TNFAIP8L1: variants seen among roughly 807,000 people sequenced by gnomAD.
The protein encoded by TNFAIP8L1 is tumor necrosis factor alpha-induced protein 8-like protein 1.
For missense variants in TNFAIP8L1, 225 were observed against 266.1 expected (o/e 0.85, Z 1.08); for synonymous variants, 127 against 125.6 (o/e 1.01, Z -0.08).
intron 1 of TNFAIP8L1, among the ~76,000 whole-genome samples, chr19:4,647,370 T>A (rs1450464788): frequency 6.6e-6 from 1 of 151,174 alleles, no homozygotes; most frequent in Non-Finnish European, 1.5e-5. Context: ...GCTGGAGACC[T>A]CGGCTCACTG....
intron 1 of TNFAIP8L1, chr19:4,640,091 G>A (rs1257999766): frequency 6.6e-6 from 1 of 152,346 alleles, no homozygotes; most frequent in Non-Finnish European, 1.5e-5. Flanking sequence ...CCCCTAATGA[G>A]CTCCCAAGTG....
chr19:4,652,416 G>T lies in TNFAIP8L1; in HGVS notation c.547G>T (p.Glu183Ter), dbSNP rs965706851. The change falls in exon 2 of 2, where the codon GAG becomes TAG. Residue 183 changes from glutamate to a stop codon, truncating the protein, a stop_gained. Transcript: ENST00000327473. LOFTEE classifies it high-confidence loss of function. ...ICEGLGRMLD[E>*]GSL ...CGAGGGCCTGGGCCGGATGCTGGAC[G>T]AGGGCAGCCTCTGAACCCCGGCGCC... The T allele has an allele frequency of 1.3e-6, 2 of 1,529,008 alleles. No homozygotes were observed. Among genetic ancestry groups the T allele is most frequent in the Non-Finnish European group, 8.8e-7 (1 of 1,135,612 alleles). The allele number at this position is 1,529,008 out of a possible 1,614,324, so 94.7% of individuals were successfully genotyped here.
chr19:4,649,044 C>T (rs1302295830), intron 1 of TNFAIP8L1, among the ~76,000 whole-genome samples: 1 of 149,728 alleles, frequency 6.7e-6, no homozygotes. Flanking sequence ...ATTCTCCTGT[C>T]TCAGCCCCCA....
intron 1 of TNFAIP8L1, among the ~76,000 whole-genome samples, chr19:4,649,607 T>A (rs2088343645): frequency 6.6e-6 from 1 of 152,176 alleles, no homozygotes; most frequent in Non-Finnish European, 1.5e-5. Context: ...GTTACTGTAT[T>A]GCTGTGTGGT....
Position 4,645,237 on chromosome 19 carries a change from A to G in TNFAIP8L1, c.-4+5608A>G, listed in dbSNP as rs1290681630. Among the ~76,000 whole-genome samples, 3 of 152,150 alleles carry G rather than the reference A, an allele frequency of 2.0e-5. No homozygotes were observed. The East Asian group carries it at 5.8e-4, about 29-fold the overall frequency. On this transcript the variant is annotated intron_variant, in intron 1 of 1. Coordinates refer to ENST00000327473, the MANE Select transcript of TNFAIP8L1 (RefSeq NM_152362.3). The surrounding 1 kb of genome is among the most constrained non-coding windows in gnomAD (Gnocchi z 4.1). ...TGGTAGTTAAACGCAGCCATTATTT[A>G]ACGTGGGAGAATATAAACTTATAGT... is the stretch of plus-strand genomic sequence containing the variant.
In TNFAIP8L1 at chr19:4,653,953, A is replaced by G. The variant is rs557968205; in HGVS notation, c.*1523A>G. 22 of 152,118 alleles carry G rather than the reference A, an allele frequency of 1.4e-4. No homozygotes were observed. The highest frequency in any genetic ancestry group is 5.3e-4 in the African/African-American group (22 of 41,502). The allele number at this position is 152,118 out of a possible 1,614,324, so 9.4% of individuals were successfully genotyped here. A position where few individuals can be genotyped will look rare whatever the true frequency, so the allele number is the denominator to read the frequency against. On this transcript the variant is annotated 3_prime_UTR_variant, in exon 2 of 2. Coordinates refer to ENST00000327473, the MANE Select transcript of TNFAIP8L1 (RefSeq NM_152362.3). Reference sequence around the variant, plus strand: ...GGGACTCTGTCTTAGAAAGAAAAAAAAAAGTATTTGGACACAGACATGCAT... The same window carrying G: ...GGGACTCTGTCTTAGAAAGAAAAAAGAAAGTATTTGGACACAGACATGCAT...
chr19:4,643,794 G>A (rs1386304442), intron 1 of TNFAIP8L1, among the ~76,000 whole-genome samples: 2 of 152,144 alleles, frequency 1.3e-5, no homozygotes, highest in African/African-American at 2.4e-5. Context: ...ACTTAGCCAG[G>A]CATGGTGGCA....
intron 1 of TNFAIP8L1, among the ~76,000 whole-genome samples, chr19:4,650,845 G>A (rs1326901657): frequency 6.6e-6 from 1 of 152,172 alleles, no homozygotes; most frequent in Non-Finnish European, 1.5e-5. Context: ...GGGGCCAGGT[G>A]TGGTGGCGGG....
chr19:4,649,299 T>A (rs1599827874), intron 1 of TNFAIP8L1, among the ~76,000 whole-genome samples: 1 of 150,636 alleles, frequency 6.6e-6, no homozygotes, highest in African/African-American at 2.4e-5. Context: ...AGAGCTGAGG[T>A]GGGCACGGAA....
intron 1 of TNFAIP8L1, among the ~76,000 whole-genome samples, chr19:4,643,009 A>AG (rs903348713): frequency 4.6e-5 from 7 of 151,922 alleles, no homozygotes; most frequent in African/African-American, 1.7e-4. Flanking sequence ...TAGGCCAGGC[A>AG]GGGTGGCTCA....
intron 1 of TNFAIP8L1, among the ~76,000 whole-genome samples, chr19:4,649,924 G>A (rs1329137943): frequency 2.0e-5 from 3 of 152,240 alleles, no homozygotes; most frequent in Non-Finnish European, 2.9e-5. Context: ...GCTTTGTGGG[G>A]GCTCCTGGGG....
At position 4,652,134 on chromosome 19, in the gene TNFAIP8L1, C is replaced by T; in HGVS notation, c.265C>T (p.Arg89Cys). 3 of 1,576,182 alleles carry T rather than the reference C, an allele frequency of 1.9e-6. No homozygotes were observed. The highest frequency in any genetic ancestry group is 2.6e-6 in the Non-Finnish European group (3 of 1,161,764). Reference sequence around the variant, plus strand: ...CGGTGAGGAGCTGGCGCTGCTGCGGCGCTTCCGCCACCGGGCGCGCTGCCT... The same window carrying T: ...CGGTGAGGAGCTGGCGCTGCTGCGGTGCTTCCGCCACCGGGCGCGCTGCCT... ...LGGEELALLR[R>C]FRHRARCLAM... Residue 89 changes from arginine to cysteine, a missense_variant, in exon 2 of 2, where the codon CGC becomes TGC. Physicochemically the swap from Arg to Cys is radical, Grantham distance 180. Coordinates refer to ENST00000327473, the MANE Select transcript of TNFAIP8L1 (RefSeq NM_152362.3).
chr19:4,648,354 G>A (rs1016909092), intron 1 of TNFAIP8L1, among the ~76,000 whole-genome samples: 2 of 152,230 alleles, frequency 1.3e-5, no homozygotes, highest in Non-Finnish European at 2.9e-5. Flanking sequence ...CAGGAAGGAA[G>A]ACCCAGGTTT....
chr19:4,640,176 C>T (rs2088246596), intron 1 of TNFAIP8L1: 1 of 152,272 alleles, frequency 6.6e-6, no homozygotes, highest in South Asian at 2.1e-4. Flanking sequence ...GGCAGGTGAT[C>T]TGAAGGACAC....
chr19:4,649,654 G>T (rs2088344194), intron 1 of TNFAIP8L1, among the ~76,000 whole-genome samples: 1 of 152,210 alleles, frequency 6.6e-6, no homozygotes. Context: ...AGCCTTTGTG[G>T]TCTCTTCTGC....
Position 4,651,859 on chromosome 19 carries a change from C to G in TNFAIP8L1, c.-3-8C>G. ...GCAAAACTGAGGGCTGGTCTGTGTCCCCCGCAGGCCATGGACACCTTCAGC... is the reference window on the plus strand; with the variant it reads ...GCAAAACTGAGGGCTGGTCTGTGTCGCCCGCAGGCCATGGACACCTTCAGC... On this transcript the variant is annotated splice_polypyrimidine_tract_variant and splice_region_variant and intron_variant, in intron 1 of 1. Coordinates refer to ENST00000327473, the MANE Select transcript of TNFAIP8L1 (RefSeq NM_152362.3). 1 of 1,587,564 alleles carries G rather than the reference C, an allele frequency of 6.3e-7. No homozygotes were observed.
At position 4,652,592 on chromosome 19, in the gene TNFAIP8L1, G is replaced by A. The variant is rs537507312; in HGVS notation, c.*162G>A. On this transcript the variant is annotated 3_prime_UTR_variant, in exon 2 of 2. Coordinates refer to ENST00000327473, the MANE Select transcript of TNFAIP8L1 (RefSeq NM_152362.3). ...CTGTCTCCTTTGAGAGGATGCTGAG[G>A]CATCTGTAGCAGCTGTTTCAAACAC... is the stretch of plus-strand genomic sequence containing the variant. 2.7e-5 allele frequency: 18 copies of A among 669,182 alleles called. No homozygotes were observed. Among genetic ancestry groups the A allele is most frequent in the Non-Finnish European group, 4.1e-5 (17 of 413,306 alleles). 41.5% of individuals were successfully genotyped at this position (669,182 alleles called of 1,614,324 possible).
In TNFAIP8L1 at chr19:4,652,307, G is replaced by A. The variant is rs1396252337; in HGVS notation, c.438G>A (p.Val146=). The part of the protein sequence containing the change: ...TAKSHGRINH[V]FGHLADCDFL... ...AGTCCCACGGCCGCATCAACCACGT[G>A]TTCGGCCACCTAGCCGACTGCGACT... is the stretch of plus-strand genomic sequence containing the variant. Residue 146 remains valine (V), a synonymous_variant, in exon 2 of 2, where the codon GTG becomes GTA. Coordinates refer to ENST00000327473, the MANE Select transcript of TNFAIP8L1 (RefSeq NM_152362.3). The A allele has an allele frequency of 1.9e-6, 3 of 1,562,582 alleles. No homozygotes were observed. The highest frequency in any genetic ancestry group is 2.6e-6 in the Non-Finnish European group (3 of 1,156,262).
At position 4,652,392 on chromosome 19, in the gene TNFAIP8L1, G is replaced by A; in HGVS notation, c.523G>A (p.Glu175Lys). ...CCGCTCCCACCTGCGCAGGATCTGC[G>A]AGGGCCTGGGCCGGATGCTGGACGA... ...PYRSHLRRIC[E>K]GLGRMLDEGS... The change falls in exon 2 of 2, where the codon GAG (glutamate) becomes AAG (lysine). Residue 175 changes from glutamate to lysine, a missense_variant. Glu to Lys is a moderately conservative substitution (Grantham distance 56, BLOSUM62 1). Transcript: ENST00000327473. 3 of 1,548,696 alleles carry A rather than the reference G, an allele frequency of 1.9e-6. No homozygotes were observed. Among genetic ancestry groups the A allele is most frequent in the South Asian group, 1.2e-5 (1 of 84,504 alleles).
Sources: allele counts gnomAD v4.1 joint callset (sites outside exome capture counted in the v4.1 genomes callset), GRCh38; gene constraint gnomAD v4.1.1; non-coding constraint Gnocchi (gnomAD v3.1); transcripts MANE v1.5; gene names NCBI Gene and HGNC (gene_info 2026-07-23, HGNC 2026-07-21).